Variants in PTPRK observed in about 807,000 individuals in gnomAD.
PTPRK encodes receptor-type tyrosine-protein phosphatase kappa.
Under a neutral mutation model 178.0 loss-of-function variants are expected in PTPRK, and 75 were observed. The ratio of observed to expected loss-of-function variants is 0.42; its 90% CI spans 0.35 to 0.51. The LOEUF (loss-of-function observed/expected upper bound fraction) is 0.51. Among genes scored for constraint, PTPRK ranks in the 20% least tolerant of loss-of-function variants. The pLI is 0.02. For synonymous variants in PTPRK, 637 were observed against 620.6 expected, an observed-to-expected ratio of 1.03 and a Z score of -0.39; for missense variants, 1,441 against 1,797.8, an observed-to-expected ratio of 0.80 and a Z score of 3.59.
intron 1 of PTPRK, among the ~76,000 whole-genome samples, chr6:128,416,492 A>T (rs1292974341): frequency 2.0e-5 from 3 of 151,584 alleles, no homozygotes; most frequent in Non-Finnish European, 2.9e-5. Flanking sequence ...ATACAAAAAA[A>T]AAAAATTAGC....
intron 1 of PTPRK, among the ~76,000 whole-genome samples, chr6:128,482,156 A>T (rs1281047286): frequency 3.9e-5 from 6 of 152,158 alleles, no homozygotes; most frequent in Admixed American, 2.0e-4. Flanking sequence ...GGCCCTAATG[A>T]GACCTAGAAC....
intron 1 of PTPRK, among the ~76,000 whole-genome samples, chr6:128,448,850 GTC>G (rs2128404631): frequency 6.6e-6 from 1 of 152,046 alleles, no homozygotes; most frequent in African/African-American, 2.4e-5. Flanking sequence ...TTGTTTGTTT[GTC>G]TGTTTGTTTT....
Position 128,120,001 on chromosome 6 carries a change from G to A in PTPRK, c.1163-30009C>T, listed in dbSNP as rs908171980. Among the ~76,000 whole-genome samples the A allele has an allele frequency of 3.3e-5, 5 of 151,746 alleles. No individual in the cohort carries two copies. In the South Asian group the frequency reaches 1.0e-3, roughly 31 times the overall value. ...TGTTTTTTCCAGTCTCAGTGTTTCAGGAAGAAGTCTGATTCTTCAGTATTC... is the reference window on the plus strand; with the variant it reads ...TGTTTTTTCCAGTCTCAGTGTTTCAAGAAGAAGTCTGATTCTTCAGTATTC... On this transcript the variant is annotated intron_variant, in intron 7 of 29. Transcript: ENST00000368226.
At chr6:128,482,790 A>C (rs763949339) in intron 1 of PTPRK, among the ~76,000 whole-genome samples, 12 of 152,186 alleles carry the variant, frequency 7.9e-5, no homozygotes, top group Non-Finnish European at 1.5e-4. Flanking sequence ...TTCTTGGTTG[A>C]ATGGCTTATT....
intron 1 of PTPRK, among the ~76,000 whole-genome samples, chr6:128,448,407 G>A (rs775862094): frequency 6.6e-6 from 1 of 152,042 alleles, no homozygotes; most frequent in Non-Finnish European, 1.5e-5. Flanking sequence ...CAATTAAGCT[G>A]AGCTGTAACC....
chr6:128,405,443 C>A (rs1270628442), intron 1 of PTPRK, among the ~76,000 whole-genome samples: 2 of 152,120 alleles, frequency 1.3e-5, no homozygotes, highest in Non-Finnish European at 2.9e-5. Context: ...ATTTTTTATA[C>A]TTTTAACTAT....
chr6:128,425,976 C>G (rs1844088195), intron 1 of PTPRK, among the ~76,000 whole-genome samples: 1 of 152,200 alleles, frequency 6.6e-6, no homozygotes, highest in African/African-American at 2.4e-5. Context: ...TACAAGACTG[C>G]TCAGAATCTT....
Position 128,063,112 on chromosome 6 carries a change from A to G in PTPRK, c.2194+1646T>C, listed in dbSNP as rs143738476. ...GGACACAGTCAATATTTGAACTCAGATAGTGTAAGGCCAGAGTCCTTTCTC... is the reference window on the plus strand; with the variant it reads ...GGACACAGTCAATATTTGAACTCAGGTAGTGTAAGGCCAGAGTCCTTTCTC... On this transcript the variant is annotated intron_variant, in intron 13 of 29. Transcript: ENST00000368226. Among the ~76,000 whole-genome samples, 10 of 152,304 alleles carry G rather than the reference A, an allele frequency of 6.6e-5. No homozygotes were observed. In the East Asian group the frequency reaches 1.4e-3, roughly 21 times the overall value.
chr6:128,451,687 T>C (rs951152415), intron 1 of PTPRK, among the ~76,000 whole-genome samples: 1 of 152,158 alleles, frequency 6.6e-6, no homozygotes, highest in Admixed American at 6.6e-5. Context: ...ATACGTTTTA[T>C]GCTAACATGT....
chr6:127,973,903 T>A, intron 27 of PTPRK, 76 bp from the exon 28 acceptor site: 1 of 1,412,990 alleles, frequency 7.1e-7, no homozygotes, highest in Non-Finnish European at 9.7e-7. Flanking sequence ...GCATATAATT[T>A]ACAATACAAA....
chr6:128,227,449 T>C (rs1300798898), intron 5 of PTPRK, among the ~76,000 whole-genome samples: 2 of 152,138 alleles, frequency 1.3e-5, no homozygotes, highest in Non-Finnish European at 2.9e-5. Flanking sequence ...TAGACAAAAG[T>C]GGGGAAATCC....
chr6:127,981,442 G>A (rs1037220273), intron 24 of PTPRK, among the ~76,000 whole-genome samples, 153 bp from the exon 25 acceptor site: 1 of 152,166 alleles, frequency 6.6e-6, no homozygotes, highest in South Asian at 2.1e-4. Flanking sequence ...AGACCTTGTA[G>A]TTAAAGCTAA....
chr6:128,451,680 C>T (rs1278981108), intron 1 of PTPRK, among the ~76,000 whole-genome samples: 4 of 151,732 alleles, frequency 2.6e-5, no homozygotes, highest in East Asian at 1.9e-4. Context: ...TGCAAAAATA[C>T]GTTTTATGCT....
chr6:128,417,135 C>T (rs1052077578), intron 1 of PTPRK, among the ~76,000 whole-genome samples: 5 of 151,544 alleles, frequency 3.3e-5, no homozygotes, highest in African/African-American at 1.2e-4. Context: ...AGTACTCTGA[C>T]GTGCCTTGGA....
At chr6:128,107,592 G>A (rs1789933139) in intron 7 of PTPRK, among the ~76,000 whole-genome samples, 1 of 152,064 alleles carries the variant, frequency 6.6e-6, no homozygotes, top group African/African-American at 2.4e-5. Context: ...TTAAGTAAAA[G>A]AATGATCAGT....
At chr6:128,484,287 C>A (rs1432189571) in intron 1 of PTPRK, among the ~76,000 whole-genome samples, 1 of 152,058 alleles carries the variant, frequency 6.6e-6, no homozygotes, top group Non-Finnish European at 1.5e-5. Flanking sequence ...TCAGTACCAC[C>A]AACCCTTCTT....
At position 128,144,832 on chromosome 6, in the gene PTPRK, A is replaced by G. The variant is rs992647237; in HGVS notation, c.1162+39600T>C. 2.6e-5 allele frequency among the ~76,000 whole-genome samples: 4 copies of G among 152,270 alleles called. No homozygotes were observed. The East Asian group carries it at 7.7e-4, about 29-fold the overall frequency. On this transcript the variant is annotated intron_variant, in intron 7 of 29. Coordinates refer to ENST00000368226, the MANE Select transcript of PTPRK (RefSeq NM_002844.4). ...CAAAGATAACTAGAATGTTATCATCACAGGTTTCTGGAGAACTGCAAAAGG... is the reference window on the plus strand; with the variant it reads ...CAAAGATAACTAGAATGTTATCATCGCAGGTTTCTGGAGAACTGCAAAAGG...
intron 2 of PTPRK, among the ~76,000 whole-genome samples, chr6:128,360,904 G>A (rs1309663722): frequency 6.6e-6 from 1 of 152,048 alleles, no homozygotes; most frequent in Admixed American, 6.6e-5. Context: ...TGAGTAACAT[G>A]AAATAACCTG....
chr6:128,170,435 C>A (rs954299067), intron 7 of PTPRK, among the ~76,000 whole-genome samples: 1 of 152,002 alleles, frequency 6.6e-6, no homozygotes, highest in African/African-American at 2.4e-5. Context: ...ATGGGTAATT[C>A]CTTTATAATC....
Sources: allele counts gnomAD v4.1 joint callset (sites outside exome capture counted in the v4.1 genomes callset), GRCh38; gene constraint gnomAD v4.1.1; transcripts MANE v1.5; gene names NCBI Gene and HGNC (gene_info 2026-07-23, HGNC 2026-07-21).